The following ARHGAP6 variants were observed in gnomAD, a reference collection of about 807,000 sequenced individuals.
ARHGAP6 encodes Rho GTPase activating protein 6, also known as rho GTPase-activating protein 6.
A neutral mutation model predicts 55.7 loss-of-function variants in ARHGAP6; 16 were observed. That is an observed-to-expected ratio of 0.29 (90% CI 0.19 to 0.44). The LOEUF is 0.44. ARHGAP6 is among the 20% of genes least tolerant of loss of function. ARHGAP6 has a pLI of 1.00. For missense variants in ARHGAP6, 698 were observed against 808.9 expected (o/e 0.86, Z 1.66); for synonymous variants, 382 against 360.9 (o/e 1.06, Z -0.66).
intron 1 of ARHGAP6, among the ~76,000 whole-genome samples, chrX:11,489,278 A>T (rs1458443710): frequency 2.7e-5 from 3 of 112,127 alleles, no homozygotes; most frequent in Non-Finnish European, 5.6e-5. Context: ...CTGAGGCCCA[A>T]TTAGGAGATG....
intron 1 of ARHGAP6, among the ~76,000 whole-genome samples, chrX:11,502,707 T>A (rs1461065909): frequency 9.0e-6 from 1 of 111,320 alleles, no homozygotes; most frequent in African/African-American, 3.3e-5. Context: ...ATTTTATTCT[T>A]ATGATTTTCT....
At chrX:11,530,957 T>G (rs1262305116) in intron 1 of ARHGAP6, among the ~76,000 whole-genome samples, 2 of 111,877 alleles carry the variant, frequency 1.8e-5, no homozygotes, top group Non-Finnish European at 3.8e-5. Flanking sequence ...TTTTCTTCAG[T>G]TAGCAATAGG....
chrX:11,619,788 G>A (rs2147162812), intron 1 of ARHGAP6, among the ~76,000 whole-genome samples: 1 of 111,773 alleles, frequency 8.9e-6, no homozygotes, highest in South Asian at 3.8e-4. Flanking sequence ...CAAAACCAAG[G>A]CTTAACTATA....
chrX:11,391,491 A>G (rs1392099083), intron 1 of ARHGAP6, among the ~76,000 whole-genome samples: 3 of 101,012 alleles, frequency 3.0e-5, no homozygotes, highest in Non-Finnish European at 6.4e-5. Context: ...AGAAAAAAAA[A>G]AGCCAGAAAA....
At chrX:11,261,522 G>T (rs2047560918) in intron 1 of ARHGAP6, among the ~76,000 whole-genome samples, 1 of 111,705 alleles carries the variant, frequency 9.0e-6, no homozygotes, top group African/African-American at 3.3e-5. Context: ...AAGGCTTTCT[G>T]AATCTAGTCT....
chrX:11,589,679 G>A (rs191201739), intron 1 of ARHGAP6, among the ~76,000 whole-genome samples: 2 of 111,210 alleles, frequency 1.8e-5, no homozygotes, highest in East Asian at 5.7e-4. Flanking sequence ...CTAATAGGGA[G>A]CCTGATAGGC....
At chrX:11,399,898 A>C (rs1603178096) in intron 1 of ARHGAP6, among the ~76,000 whole-genome samples, 1 of 112,720 alleles carries the variant, frequency 8.9e-6, no homozygotes, top group East Asian at 2.8e-4. Context: ...ATTCAGCCAC[A>C]AAATGAAATC....
At chrX:11,569,238 T>C (rs914123818) in intron 1 of ARHGAP6, among the ~76,000 whole-genome samples, 1 of 111,103 alleles carries the variant, frequency 9.0e-6, no homozygotes, top group Non-Finnish European at 1.9e-5. Context: ...AAGTCAGAGA[T>C]GCCACTAAAT....
chrX:11,169,399 G>T, intron 9 of ARHGAP6, 106 bp downstream of exon 9: 2 of 755,179 alleles, frequency 2.6e-6, no homozygotes, highest in South Asian at 4.2e-5. Flanking sequence ...TGAATTCAGT[G>T]AGCAGCACTG....
intron 1 of ARHGAP6, among the ~76,000 whole-genome samples, chrX:11,316,841 T>C (rs2048365192): frequency 2.7e-5 from 3 of 112,668 alleles, no homozygotes; most frequent in African/African-American, 9.7e-5. Flanking sequence ...GCTTATTTCA[T>C]TGAACACAGT....
At chrX:11,224,662 A>AGG (rs111677413) in intron 2 of ARHGAP6, among the ~76,000 whole-genome samples, 25 of 107,196 alleles carry the variant, frequency 2.3e-4, no homozygotes, top group African/African-American at 8.3e-4. Flanking sequence ...ATGTTGGTGG[A>AGG]GGGGGGGCGG....
chrX:11,503,380 G>A (rs1414502714), intron 1 of ARHGAP6, among the ~76,000 whole-genome samples: 2 of 111,498 alleles, frequency 1.8e-5, no homozygotes, highest in East Asian at 2.8e-4. Context: ...CACATTCCTC[G>A]ACTGTGTGTA....
intron 1 of ARHGAP6, among the ~76,000 whole-genome samples, chrX:11,461,192 G>A (rs929416496): frequency 1.8e-5 from 2 of 112,119 alleles, no homozygotes; most frequent in Admixed American, 1.9e-4. Context: ...AAGCTGGTTG[G>A]GAAGAGACAA....
chrX:11,355,367 T>C (rs5933878), intron 1 of ARHGAP6, among the ~76,000 whole-genome samples: 6,965 of 112,196 alleles, frequency 0.062, 234 homozygotes, highest in African/African-American at 0.13. Flanking sequence ...TGGTGAAAGC[T>C]TGGTCATTTG....
chrX:11,520,172 T>A (rs1466413369), intron 1 of ARHGAP6, among the ~76,000 whole-genome samples: 1 of 78,955 alleles, frequency 1.3e-5, no homozygotes, highest in African/African-American at 4.6e-5. Flanking sequence ...TATATATATA[T>A]ATATATTACT....
chrX:11,662,659 T>G (rs1054047524), intron 1 of ARHGAP6, among the ~76,000 whole-genome samples: 2 of 112,546 alleles, frequency 1.8e-5, no homozygotes, highest in African/African-American at 6.5e-5. Flanking sequence ...CCACATGCCT[T>G]TTGGTCATAA....
chrX:11,617,020 A>T (rs1226341943), intron 1 of ARHGAP6, among the ~76,000 whole-genome samples: 1 of 112,149 alleles, frequency 8.9e-6, no homozygotes, highest in Non-Finnish European at 1.9e-5. Context: ...TTGGCTACAG[A>T]GTTGTGCTTT....
Position 11,320,055 on chromosome X carries a change from T to C in ARHGAP6, c.589-65348A>G, listed in dbSNP as rs193265531. ...GATCCACCATATCACTTCAAGTAAA[T>C]TTTGACTTTGCTAGGTTTCAACCAC... is the stretch of plus-strand genomic sequence containing the variant. On this transcript the variant is annotated intron_variant, in intron 1 of 12. Coordinates refer to ENST00000337414, the MANE Select transcript of ARHGAP6 (RefSeq NM_013427.3). 7.3e-4 allele frequency among the ~76,000 whole-genome samples: 82 copies of C among 112,138 alleles called. No individual in the cohort carries two copies. In the East Asian group the frequency reaches 0.017, roughly 23 times the overall value.
In ARHGAP6 at chrX:11,599,980, G is replaced by A. The variant is rs767749029; in HGVS notation, c.588+64261C>T. On this transcript the variant is annotated intron_variant, in intron 1 of 12. Coordinates refer to ENST00000337414, the MANE Select transcript of ARHGAP6 (RefSeq NM_013427.3). ...ACTTGTGCAAAATAAAGAATGCAGAGAGTAAATGGAACAGAGATGGCAATT... is the reference window on the plus strand; with the variant it reads ...ACTTGTGCAAAATAAAGAATGCAGAAAGTAAATGGAACAGAGATGGCAATT... 3.6e-5 allele frequency among the ~76,000 whole-genome samples: 4 copies of A among 112,223 alleles called. No homozygotes were observed. The Admixed American group carries it at 3.8e-4, about 11-fold the overall frequency.
Sources: gnomAD v4.1 joint callset for allele counts (sites outside exome capture counted in the v4.1 genomes callset) on GRCh38, gnomAD v4.1.1 for gene constraint, MANE v1.5 for transcripts, NCBI Gene and HGNC (gene_info 2026-07-23, HGNC 2026-07-21) for gene names.